ERC1: variants seen among roughly 807,000 people sequenced by gnomAD.
The protein encoded by ERC1 is ELKS/RAB6-interacting/CAST family member 1, also known as RAB6 interacting protein 2.
A neutral mutation model predicts 132.0 loss-of-function variants in ERC1; 56 were observed. The ratio of observed to expected loss-of-function variants is 0.42; its 90% confidence interval spans 0.34 to 0.53. The LOEUF (loss-of-function observed/expected upper bound fraction) is 0.53. Ranked by LOEUF, ERC1 falls within the 20% of genes least tolerant of loss-of-function variation. The probability of loss-of-function intolerance (pLI) is 0.03; values close to 1 mark genes in which losing one functional copy is unlikely to be tolerated. For synonymous variants in ERC1, 478 were observed against 476.1 expected (o/e 1.00, Z -0.05); for missense variants, 1,202 against 1,349.9 (o/e 0.89, Z 1.72).
At chr12:1,310,510 C>T (rs535080787) in intron 15 of ERC1, among the ~76,000 whole-genome samples, 12 of 152,294 alleles carry the variant, frequency 7.9e-5, no homozygotes, top group Admixed American at 7.2e-4. Flanking sequence ...CGCGCCTGGC[C>T]ATTTAAACAG....
chr12:1,449,762 T>C (rs2093383128), intron 18 of ERC1, among the ~76,000 whole-genome samples: 1 of 152,202 alleles, frequency 6.6e-6, no homozygotes, highest in Admixed American at 6.5e-5. Flanking sequence ...GTTTAGAATA[T>C]TTGCACCTGA....
At chr12:1,218,748 C>G (rs1384920487) in intron 12 of ERC1, among the ~76,000 whole-genome samples, 2 of 151,604 alleles carry the variant, frequency 1.3e-5, no homozygotes, top group South Asian at 4.2e-4. Context: ...ACCTGTCATT[C>G]CTTTTGTGGT....
intron 16 of ERC1, chr12:1,385,830 T>C (rs2089276788): frequency 6.6e-6 from 1 of 152,316 alleles, no homozygotes; most frequent in Non-Finnish European, 1.5e-5. Flanking sequence ...TTAATACATA[T>C]TTTAACAATC....
chr12:1,276,574 G>A (rs1005485746), intron 14 of ERC1, among the ~76,000 whole-genome samples: 1 of 144,060 alleles, frequency 6.9e-6, no homozygotes, highest in Non-Finnish European at 1.5e-5. Flanking sequence ...ACTTAGTCCT[G>A]TTTTTTTTTT....
chr12:1,106,615 A>C (rs1945292455), intron 4 of ERC1, among the ~76,000 whole-genome samples: 4 of 151,964 alleles, frequency 2.6e-5, no homozygotes, highest in Admixed American at 1.3e-4. Flanking sequence ...CTTTGTAGTT[A>C]ATTGGTAGTC....
At chr12:1,481,979 C>T (rs2094102037) in intron 18 of ERC1, among the ~76,000 whole-genome samples, 1 of 152,114 alleles carries the variant, frequency 6.6e-6, no homozygotes, top group Admixed American at 6.6e-5. Context: ...GCTTCTTAGT[C>T]ATGCTGCCAT....
rs528969347 is a variant in ERC1, at chr12:1,189,293, G to GT, written c.2158-565dup. Among the ~76,000 whole-genome samples, 132 of 152,298 alleles carry GT rather than the reference G, an allele frequency of 8.7e-4. 2 individuals are homozygous for GT. The highest frequency in any genetic ancestry group is 2.9e-3 in the African/African-American group (122 of 41,560). ...ATTCTCTAATCCTTGCATGAGGGAG[G>GT]TACCTGTGTGATGGTAGCAGCTGTT... On this transcript the variant is annotated intron_variant, in intron 11 of 18. Coordinates refer to ENST00000360905, the MANE Select transcript of ERC1 (RefSeq NM_178040.4).
intron 13 of ERC1, among the ~76,000 whole-genome samples, chr12:1,260,149 T>TG (rs887171653): frequency 2.0e-5 from 3 of 152,158 alleles, no homozygotes; most frequent in Admixed American, 6.6e-5. Flanking sequence ...GATACTTTTT[T>TG]GGGGGGATTT....
At chr12:1,046,083 GA>G in intron 2 of ERC1, among the ~76,000 whole-genome samples, 1 of 152,010 alleles carries the variant, frequency 6.6e-6, no homozygotes, top group African/African-American at 2.4e-5. Flanking sequence ...ATAAATAACA[GA>G]AAAAAAGTGG....
At chr12:1,152,925 A>G (rs1593758708) in intron 8 of ERC1, 1 of 152,638 alleles carries the variant, frequency 6.6e-6, no homozygotes, top group African/African-American at 2.4e-5. Context: ...CAGTGCGATG[A>G]TGGAAAGGAC....
intron 17 of ERC1, among the ~76,000 whole-genome samples, chr12:1,420,926 G>C (rs1456840169): frequency 6.8e-6 from 1 of 147,990 alleles, no homozygotes; most frequent in Non-Finnish European, 1.5e-5. Context: ...GTTTGGGGGG[G>C]GGGGGGGTTA....
intron 15 of ERC1, among the ~76,000 whole-genome samples, chr12:1,317,413 C>T (rs191070279): frequency 5.3e-5 from 8 of 152,026 alleles, no homozygotes; most frequent in East Asian, 1.9e-4. Context: ...GGATCAGGGG[C>T]TAGGAAAGGG....
intron 3 of ERC1, among the ~76,000 whole-genome samples, chr12:1,092,833 C>T (rs1419258806): frequency 6.6e-6 from 1 of 152,090 alleles, no homozygotes. Flanking sequence ...TGGTGGTGCA[C>T]GCCTGTAATC....
At chr12:1,370,607 T>C (rs1425135585) in intron 15 of ERC1, among the ~76,000 whole-genome samples, 1 of 152,254 alleles carries the variant, frequency 6.6e-6, no homozygotes, top group Admixed American at 6.5e-5. Context: ...TACAGGATTA[T>C]TCTTAAAGTA....
In ERC1 at chr12:1,183,466, A is replaced by C. The variant is rs755875401; in HGVS notation, c.2157+45A>C. 12 of 1,386,258 alleles carry C rather than the reference A, an allele frequency of 8.7e-6. No homozygotes were observed. The East Asian group carries it at 2.6e-4, about 30-fold the overall frequency. The allele number at this position is 1,386,258 out of a possible 1,614,324, so 85.9% of individuals were successfully genotyped here. A position where few individuals can be genotyped will look rare whatever the true frequency, so the allele number is the denominator to read the frequency against. On this transcript the variant is annotated intron_variant, in intron 11 of 18. Coordinates refer to ENST00000360905, the MANE Select transcript of ERC1 (RefSeq NM_178040.4). ...ATTTTTTTGCTTTGCCTTAAATAAG[A>C]ACATAGTAGATAACCTTAGCATGTT...
intron 17 of ERC1, among the ~76,000 whole-genome samples, chr12:1,442,031 G>A (rs548221185): frequency 2.6e-5 from 4 of 152,200 alleles, no homozygotes; most frequent in Admixed American, 6.5e-5. Flanking sequence ...GGGTTCAAGC[G>A]ATTCTCCGGC....
chr12:1,173,798 T>C (rs963025124), intron 8 of ERC1, among the ~76,000 whole-genome samples: 8 of 152,228 alleles, frequency 5.3e-5, no homozygotes, highest in African/African-American at 1.9e-4. Flanking sequence ...GTGACACATA[T>C]AAACTGAGGT....
chr12:1,403,753 T>C (rs1441272930), intron 16 of ERC1, among the ~76,000 whole-genome samples: 1 of 152,188 alleles, frequency 6.6e-6, no homozygotes, highest in Non-Finnish European at 1.5e-5. Flanking sequence ...TGTGTGTACT[T>C]TATTAGGATT....
At chr12:1,305,524 G>T (rs1347340490) in intron 15 of ERC1, among the ~76,000 whole-genome samples, 1 of 152,098 alleles carries the variant, frequency 6.6e-6, no homozygotes, top group African/African-American at 2.4e-5. Flanking sequence ...ACCCCCGTAA[G>T]TTATTTCCAC....
Sources: gnomAD v4.1 joint callset for allele counts (sites outside exome capture counted in the v4.1 genomes callset) on GRCh38, gnomAD v4.1.1 for gene constraint, MANE v1.5 for transcripts, NCBI Gene and HGNC (gene_info 2026-07-23, HGNC 2026-07-21) for gene names.